Variants in LRP1B observed in about 807,000 individuals in gnomAD.
The protein encoded by LRP1B is LDL receptor related protein 1B.
A neutral mutation model predicts 556.6 loss-of-function variants in LRP1B; 217 were observed. That is an observed-to-expected ratio of 0.39 (90% CI 0.35 to 0.44). The LOEUF (loss-of-function observed/expected upper bound fraction) is 0.44, where lower values mean the gene tolerates loss of function less well. Ranked by LOEUF, LRP1B falls within the 20% of genes least tolerant of loss-of-function variation. The pLI is 1.00. For missense variants in LRP1B, 5,053 were observed against 5,620.8 expected (o/e 0.90, Z 3.23); for synonymous variants, 2,047 against 1,865.8 (o/e 1.10, Z -2.50).
intron 37 of LRP1B, 70 bp from the exon 38 acceptor site, chr2:140,702,623 A>T (rs2105431408): frequency 2.1e-6 from 3 of 1,422,950 alleles, no homozygotes; most frequent in Non-Finnish European, 2.0e-6. Flanking sequence ...ATGCAAAAAG[A>T]CATTACTAAT....
chr2:140,807,507 ATT>A (rs368741661), intron 32 of LRP1B, among the ~76,000 whole-genome samples: 6 of 132,362 alleles, frequency 4.5e-5, no homozygotes, highest in Non-Finnish European at 6.4e-5. Flanking sequence ...CGCCTTGCTA[ATT>A]TTTTTTTTTT....
At chr2:141,975,444 A>AT (rs905566204) in intron 1 of LRP1B, among the ~76,000 whole-genome samples, 22 of 152,072 alleles carry the variant, frequency 1.4e-4, no homozygotes, top group African/African-American at 4.3e-4. Context: ...GCTGGTCTCA[A>AT]TTTTCAGCAG....
chr2:141,661,936 G>A (rs1281801673), intron 2 of LRP1B, among the ~76,000 whole-genome samples: 2 of 152,104 alleles, frequency 1.3e-5, no homozygotes, highest in East Asian at 3.9e-4. Flanking sequence ...AGAGAGAAAG[G>A]CCAGGTCACG....
At chr2:142,028,028 T>C (rs56143408) in intron 1 of LRP1B, among the ~76,000 whole-genome samples, 4,891 of 152,030 alleles carry the variant, frequency 0.032, 85 homozygotes, top group Non-Finnish European at 0.04. Flanking sequence ...CAAATACATA[T>C]TGACATTTAA....
At chr2:140,296,221 A>G (rs1346204047) in intron 84 of LRP1B, among the ~76,000 whole-genome samples, 1 of 152,182 alleles carries the variant, frequency 6.6e-6, no homozygotes, top group Non-Finnish European at 1.5e-5. Flanking sequence ...AGTAAAAAAT[A>G]CACATAAAAT....
At chr2:140,904,609 TAAGAA>T (rs1422589500) in intron 22 of LRP1B, among the ~76,000 whole-genome samples, 3 of 152,092 alleles carry the variant, frequency 2.0e-5, no homozygotes, top group East Asian at 1.9e-4. Context: ...GCTACAGTAA[TAAGAA>T]AAGGAAAATG....
At chr2:141,454,716 G>A (rs373906227) in intron 3 of LRP1B, among the ~76,000 whole-genome samples, 7 of 151,826 alleles carry the variant, frequency 4.6e-5, no homozygotes, top group African/African-American at 1.2e-4. Context: ...TTTTTCTTTC[G>A]TGAAGGTCAG....
chr2:140,651,444 T>A (rs1219164874), intron 41 of LRP1B, among the ~76,000 whole-genome samples: 1 of 146,688 alleles, frequency 6.8e-6, no homozygotes, highest in Non-Finnish European at 1.5e-5. Context: ...ATGGCACATG[T>A]ATACATATGT....
intron 46 of LRP1B, 64 bp from the exon 47 acceptor site, chr2:140,534,204 A>G (rs1388526482): frequency 4.2e-6 from 6 of 1,417,684 alleles, no homozygotes; most frequent in Admixed American, 1.9e-5. Context: ...CAAAATGAAA[A>G]TCACAGATAA....
intron 86 of LRP1B, among the ~76,000 whole-genome samples, chr2:140,259,164 T>C (rs1681822746): frequency 6.6e-6 from 1 of 152,134 alleles, no homozygotes; most frequent in Non-Finnish European, 1.5e-5. Context: ...AAGCACAGGC[T>C]GTATTTCTCC....
At chr2:141,558,817 A>C (rs900904075) in intron 2 of LRP1B, among the ~76,000 whole-genome samples, 7 of 151,956 alleles carry the variant, frequency 4.6e-5, no homozygotes, top group Non-Finnish European at 2.9e-5. Context: ...GTAAGATCAC[A>C]ATAACAAAAA....
chr2:141,807,097 C>A (rs1028130774), intron 2 of LRP1B, among the ~76,000 whole-genome samples: 2 of 152,038 alleles, frequency 1.3e-5, no homozygotes, highest in African/African-American at 4.8e-5. Flanking sequence ...TCTTTCATAT[C>A]GAATGTATAC....
At chr2:141,870,225 T>C (rs1698538075) in intron 1 of LRP1B, among the ~76,000 whole-genome samples, 1 of 151,964 alleles carries the variant, frequency 6.6e-6, no homozygotes, top group Admixed American at 6.6e-5. Context: ...TGTTACTTTT[T>C]CAAAATGACT....
At chr2:140,742,764 C>A (rs1449803324) in intron 35 of LRP1B, among the ~76,000 whole-genome samples, 3 of 151,848 alleles carry the variant, frequency 2.0e-5, no homozygotes, top group Admixed American at 6.6e-5. Flanking sequence ...TAGAGTAATG[C>A]TACTACAATA....
intron 2 of LRP1B, among the ~76,000 whole-genome samples, chr2:141,612,619 G>A (rs1688144300): frequency 6.6e-6 from 1 of 152,150 alleles, no homozygotes; most frequent in Non-Finnish European, 1.5e-5. Context: ...GTTACCAGAG[G>A]CTTCACGGTA....
intron 3 of LRP1B, among the ~76,000 whole-genome samples, chr2:141,303,240 C>T (rs567326021): frequency 5.9e-5 from 9 of 152,050 alleles, no homozygotes; most frequent in Non-Finnish European, 8.8e-5. Context: ...GGCTATTTAG[C>T]GTATCCATCA....
At chr2:141,792,332 T>C (rs970694605) in intron 2 of LRP1B, among the ~76,000 whole-genome samples, 2 of 151,988 alleles carry the variant, frequency 1.3e-5, no homozygotes, top group Non-Finnish European at 2.9e-5. Flanking sequence ...ATCTTGTCTA[T>C]TGAAATAATA....
chr2:140,602,502 G>C (rs916976510), intron 41 of LRP1B, among the ~76,000 whole-genome samples: 2 of 151,898 alleles, frequency 1.3e-5, no homozygotes, highest in Non-Finnish European at 2.9e-5. Flanking sequence ...ATTTAACAAA[G>C]AACGTATACA....
At chr2:141,151,405 T>C (rs568453414) in intron 7 of LRP1B, among the ~76,000 whole-genome samples, 2 of 152,274 alleles carry the variant, frequency 1.3e-5, no homozygotes, top group South Asian at 2.1e-4. Flanking sequence ...CTAATGAACA[T>C]AGGAATACAA....
Sources: gnomAD v4.1 joint callset for allele counts (sites outside exome capture counted in the v4.1 genomes callset) on GRCh38, gnomAD v4.1.1 for gene constraint, MANE v1.5 for transcripts, NCBI Gene and HGNC (gene_info 2026-07-23, HGNC 2026-07-21) for gene names.